SEMA3C: variants seen among roughly 807,000 people sequenced by gnomAD.
SEMA3C encodes semaphorin 3C, also known as semaphorin-3C.
A neutral mutation model predicts 89.4 loss-of-function variants in SEMA3C; 47 were observed. The observed-to-expected ratio is 0.53, with a 90% CI of 0.42 to 0.67. The LOEUF (loss-of-function observed/expected upper bound fraction) is 0.67. Ranked by LOEUF, SEMA3C falls within the 30% of genes least tolerant of loss-of-function variation. The pLI is 0.00. For synonymous variants in SEMA3C, 310 were observed against 320.2 expected, an observed-to-expected ratio of 0.97 and a Z score of 0.34; for missense variants, 839 against 929.1, an observed-to-expected ratio of 0.90 and a Z score of 1.26.
At chr7:80,776,526 A>C (rs1234437159) in intron 12 of SEMA3C, among the ~76,000 whole-genome samples, 1 of 152,200 alleles carries the variant, frequency 6.6e-6, no homozygotes, top group Non-Finnish European at 1.5e-5. Context: ...TCTACAGATT[A>C]TAACTAATTT....
At chr7:80,814,691 C>T (rs987795140) in intron 5 of SEMA3C, among the ~76,000 whole-genome samples, 2 of 152,118 alleles carry the variant, frequency 1.3e-5, no homozygotes, top group African/African-American at 4.8e-5. Flanking sequence ...ATGGTCTCTT[C>T]ATTCTCATCT....
intron 2 of SEMA3C, chr7:80,915,876 G>T (rs1461451033): frequency 3.3e-5 from 5 of 150,372 alleles, no homozygotes; most frequent in Admixed American, 6.6e-5. Context: ...AGAGTTGAAA[G>T]AAGTAATAAA....
At chr7:80,756,412 C>T (rs1442690648) in intron 15 of SEMA3C, among the ~76,000 whole-genome samples, 1 of 152,050 alleles carries the variant, frequency 6.6e-6, no homozygotes, top group African/African-American at 2.4e-5. Flanking sequence ...TCCTGTCATG[C>T]AGCTTCTGCC....
intron 2 of SEMA3C, among the ~76,000 whole-genome samples, chr7:80,848,444 C>G (rs1167142515): frequency 6.6e-6 from 1 of 152,130 alleles, no homozygotes; most frequent in Admixed American, 6.6e-5. Context: ...ATACTATCTA[C>G]TAGACGATAA....
At chr7:80,906,128 C>T (rs1044765850) in intron 2 of SEMA3C, among the ~76,000 whole-genome samples, 2 of 152,096 alleles carry the variant, frequency 1.3e-5, no homozygotes, top group Admixed American at 1.3e-4. Context: ...TTTCCTGCTT[C>T]CACTGGAAGA....
chr7:80,905,212 T>TAGGGAGAGAC (rs1355761210), intron 2 of SEMA3C, among the ~76,000 whole-genome samples: 1 of 70,500 alleles, frequency 1.4e-5, no homozygotes, highest in Admixed American at 1.9e-4. Flanking sequence ...AAGAGGGAGG[T>TAGGGAGAGAC]AGGGAGAGAC....
Position 80,765,725 on chromosome 7 carries a change from C to T in SEMA3C, c.1355-482G>A, listed in dbSNP as rs186883167. Among the ~76,000 whole-genome samples, 954 of 151,976 alleles carry T rather than the reference C, an allele frequency of 6.3e-3. 5 individuals carry two copies. Among genetic ancestry groups the T allele is most frequent in the South Asian group, 0.015 (70 of 4,808 alleles). On this transcript the variant is annotated intron_variant, in intron 12 of 17. Transcript: ENST00000265361. Reference sequence around the variant, plus strand: ...CCGGGTATCTGGGATTACAGGTGCCCGCCACCACGCCTGGCTAATTTTTTG... The same window carrying T: ...CCGGGTATCTGGGATTACAGGTGCCTGCCACCACGCCTGGCTAATTTTTTG...
intron 2 of SEMA3C, among the ~76,000 whole-genome samples, chr7:80,888,943 A>G (rs1310561072): frequency 1.3e-5 from 2 of 152,136 alleles, no homozygotes; most frequent in Admixed American, 1.3e-4. Context: ...TGCTCACTGC[A>G]ACCTCTGCCT....
At chr7:80,781,884 C>G (rs994533632) in intron 12 of SEMA3C, among the ~76,000 whole-genome samples, 1 of 152,016 alleles carries the variant, frequency 6.6e-6, no homozygotes, top group East Asian at 1.9e-4. Context: ...AGTAAATGAG[C>G]CAGTGGTGCA....
At chr7:80,807,429 C>A (rs962905295) in intron 6 of SEMA3C, among the ~76,000 whole-genome samples, 1 of 152,080 alleles carries the variant, frequency 6.6e-6, no homozygotes, top group African/African-American at 2.4e-5. Context: ...ATCTTAAATT[C>A]GCAGTAATTT....
At chr7:80,919,566 T>C (rs575630268), upstream of SEMA3C, among the ~76,000 whole-genome samples, 41 of 141,986 alleles carry the variant, frequency 2.9e-4, no homozygotes, top group East Asian at 7.7e-3. Flanking sequence ...TGCGTTTTTT[T>C]TTTGTTTTTT....
At chr7:80,790,311 A>AAGGAGGAGGAGGAGGAGAAAGG (rs1562876232) in intron 11 of SEMA3C, among the ~76,000 whole-genome samples, 11 of 151,820 alleles carry the variant, frequency 7.2e-5, no homozygotes, top group African/African-American at 2.7e-4. Flanking sequence ...GAAGAGAAAA[A>AAGGAGGAGGAGGAGGAGAAAGG]AGGAGGAGGA....
Position 80,916,596 on chromosome 7 carries a change from T to C in SEMA3C, c.103+83A>G. 3 of 1,262,120 alleles carry C rather than the reference T, an allele frequency of 2.4e-6. No homozygotes were observed. The South Asian group carries it at 4.9e-5, about 20-fold the overall frequency. 78.2% of individuals were successfully genotyped at this position (1,262,120 alleles called of 1,614,324 possible). A position where few individuals can be genotyped will look rare whatever the true frequency, so the allele number is the denominator to read the frequency against. On this transcript the variant is annotated intron_variant, in intron 2 of 17. Coordinates refer to ENST00000265361, the MANE Select transcript of SEMA3C (RefSeq NM_006379.5). ...TAAAATTAATATCCAGTAATATTTA[T>C]ACTCTTAATTTCTGAATCTGGATAA...
chr7:80,798,634 A>G (rs573140797), intron 10 of SEMA3C, among the ~76,000 whole-genome samples: 15 of 152,348 alleles, frequency 9.8e-5, no homozygotes, highest in Admixed American at 8.5e-4. Flanking sequence ...GAATCTCATT[A>G]ATAATTGAAC....
At chr7:80,908,577 C>A (rs1392741093) in intron 2 of SEMA3C, among the ~76,000 whole-genome samples, 1 of 152,130 alleles carries the variant, frequency 6.6e-6, no homozygotes. Flanking sequence ...GCGTAGAGAG[C>A]AAATTTAGGT....
At chr7:80,823,781 A>G (rs1015153215) in intron 4 of SEMA3C, among the ~76,000 whole-genome samples, 1 of 152,260 alleles carries the variant, frequency 6.6e-6, no homozygotes, top group Non-Finnish European at 1.5e-5. Flanking sequence ...TAGTATTTAC[A>G]TAGTACATCC....
rs1217280281 is a variant in SEMA3C, at chr7:80,744,354, T to C, written c.*540A>G. On this transcript the variant is annotated 3_prime_UTR_variant, in exon 18 of 18. Transcript: ENST00000265361. The stretch of plus-strand genomic sequence containing the variant: ...ACCCCAACATATTTCATTGGAACCA[T>C]AAAAACTCATCATTTTCTCTTTATG... 6.5e-6 allele frequency: 1 copy of C among 153,090 alleles called. No individual in the cohort carries two copies. The allele number at this position is 153,090 out of a possible 1,614,324, so 9.5% of individuals were successfully genotyped here.
chr7:80,866,373 T>A (rs1440418745), intron 2 of SEMA3C, among the ~76,000 whole-genome samples: 1 of 152,164 alleles, frequency 6.6e-6, no homozygotes, highest in Non-Finnish European at 1.5e-5. Flanking sequence ...TTTAAGAGTT[T>A]CCTAGTTTAA....
chr7:80,742,982 T>G lies in SEMA3C; in HGVS notation c.*1912A>C, dbSNP rs1787715511. 6.6e-6 allele frequency: 1 copy of G among 151,920 alleles called. No individual in the cohort carries two copies. Among genetic ancestry groups the G allele is most frequent in the Admixed American group, 6.6e-5 (1 of 15,246 alleles). 9.4% of individuals were successfully genotyped at this position (151,920 alleles called of 1,614,324 possible). A position where few individuals can be genotyped will look rare whatever the true frequency, so the allele number is the denominator to read the frequency against. The stretch of plus-strand genomic sequence containing the variant: ...TAAAACTAAACACCGTTACTGTCTA[T>G]CAGTTTGGGCTTATGTGAAATAAAG... On this transcript the variant is annotated 3_prime_UTR_variant, in exon 18 of 18. Transcript: ENST00000265361.
Sources: gnomAD v4.1 joint callset for allele counts (sites outside exome capture counted in the v4.1 genomes callset) on GRCh38, gnomAD v4.1.1 for gene constraint, MANE v1.5 for transcripts, NCBI Gene and HGNC (gene_info 2026-07-23, HGNC 2026-07-21) for gene names.